Variants in NAALADL2 observed in about 807,000 individuals in gnomAD.
The protein encoded by NAALADL2 is inactive N-acetylated-alpha-linked acidic dipeptidase-like protein 2.
In NAALADL2, 76 loss-of-function variants were observed where a neutral mutation model predicts 87.2. That is an observed-to-expected ratio of 0.87 (90% CI 0.72 to 1.05). The LOEUF is 1.05. Among genes scored for constraint, NAALADL2 ranks in the 50% least tolerant of loss-of-function variants. NAALADL2 has a pLI of 0.00. For synonymous variants in NAALADL2, 354 were observed against 331.0 expected (o/e 1.07, Z -0.75); for missense variants, 1,089 against 945.8 (o/e 1.15, Z -1.99).
intron 5 of NAALADL2, among the ~76,000 whole-genome samples, chr3:175,402,584 AT>A (rs1355557381): frequency 6.6e-6 from 1 of 151,936 alleles, no homozygotes; most frequent in African/African-American, 2.4e-5. Context: ...GGTGTATATA[AT>A]TTTTCCAGCT....
chr3:175,104,661 A>G (rs1722792696), intron 2 of NAALADL2, among the ~76,000 whole-genome samples: 1 of 152,162 alleles, frequency 6.6e-6, no homozygotes, highest in Admixed American at 6.6e-5. Flanking sequence ...AGCAACTGCT[A>G]TTTTAATTAG....
intron 13 of NAALADL2, among the ~76,000 whole-genome samples, chr3:175,779,260 TC>T: frequency 6.6e-6 from 1 of 152,074 alleles, no homozygotes; most frequent in East Asian, 1.9e-4. Context: ...CTGCTGTTTT[TC>T]AAATGTTTTT....
At chr3:174,621,761 C>T (rs565106723) in intron 2 of NAALADL2, among the ~76,000 whole-genome samples, 1 of 152,280 alleles carries the variant, frequency 6.6e-6, no homozygotes, top group East Asian at 1.9e-4. Flanking sequence ...AAATACTATA[C>T]TTACGCAGGG....
intron 2 of NAALADL2, among the ~76,000 whole-genome samples, chr3:175,204,850 G>T (rs1740581738): frequency 6.6e-6 from 1 of 151,782 alleles, no homozygotes; most frequent in East Asian, 1.9e-4. Context: ...TACAAGAGCT[G>T]CAAAAAATAA....
At chr3:174,680,192 T>C (rs1727408730) in intron 2 of NAALADL2, among the ~76,000 whole-genome samples, 1 of 152,234 alleles carries the variant, frequency 6.6e-6, no homozygotes, top group Non-Finnish European at 1.5e-5. Flanking sequence ...TCTCAGTAGA[T>C]TTAAATATAC....
chr3:174,924,243 G>A (rs1201891865), intron 1 of NAALADL2, among the ~76,000 whole-genome samples: 1 of 124,560 alleles, frequency 8.0e-6, no homozygotes, highest in Non-Finnish European at 1.6e-5. Flanking sequence ...CCCGGTGCGT[G>A]ATGTCCCCCT....
intron 2 of NAALADL2, among the ~76,000 whole-genome samples, chr3:174,678,099 T>A (rs1035267033): frequency 6.6e-6 from 1 of 152,070 alleles, no homozygotes; most frequent in Non-Finnish European, 1.5e-5. Context: ...TTTTAGTGAG[T>A]AGGCAAATTC....
chr3:175,299,894 G>T (rs921956252), intron 4 of NAALADL2, among the ~76,000 whole-genome samples: 3 of 152,122 alleles, frequency 2.0e-5, no homozygotes, highest in African/African-American at 4.8e-5. Flanking sequence ...TTCAGCTTTT[G>T]CCCATTCATT....
chr3:175,780,345 T>TAC (rs936639255), intron 13 of NAALADL2, among the ~76,000 whole-genome samples: 4 of 151,594 alleles, frequency 2.6e-5, no homozygotes, highest in Admixed American at 1.3e-4. Flanking sequence ...CACAACACAC[T>TAC]ACACACACAT....
chr3:175,183,009 T>G (rs1342578289), intron 2 of NAALADL2, among the ~76,000 whole-genome samples: 5 of 151,532 alleles, frequency 3.3e-5, no homozygotes, highest in African/African-American at 1.2e-4. Flanking sequence ...TGCGCAAGAT[T>G]GGACTATTTG....
At chr3:175,724,058 CT>C (rs1742596517) in intron 11 of NAALADL2, among the ~76,000 whole-genome samples, 1 of 152,102 alleles carries the variant, frequency 6.6e-6, no homozygotes, top group African/African-American at 2.4e-5. Context: ...AGTACAGTAA[CT>C]ATGTCACAGT....
intron 9 of NAALADL2, among the ~76,000 whole-genome samples, chr3:175,553,875 A>G (rs1714840305): frequency 6.6e-6 from 1 of 152,160 alleles, no homozygotes; most frequent in Non-Finnish European, 1.5e-5. Flanking sequence ...TACCAGCCAT[A>G]TTATTACAAG....
intron 13 of NAALADL2, among the ~76,000 whole-genome samples, chr3:175,793,251 A>C (rs2108301137): frequency 6.6e-6 from 1 of 151,900 alleles, no homozygotes; most frequent in South Asian, 2.1e-4. Context: ...TGAACAGTAT[A>C]TGACATAGAG....
intron 3 of NAALADL2, among the ~76,000 whole-genome samples, chr3:174,821,062 T>G (rs1220398925): frequency 6.6e-6 from 1 of 152,140 alleles, no homozygotes; most frequent in East Asian, 1.9e-4. Context: ...CTTTCCAAAT[T>G]TATCAACCAC....
At chr3:175,319,820 A>AAAAAAT (rs1249567841) in intron 4 of NAALADL2, among the ~76,000 whole-genome samples, 1 of 152,178 alleles carries the variant, frequency 6.6e-6, no homozygotes, top group African/African-American at 2.4e-5. Context: ...ACTGTGTTTC[A>AAAAAAT]AAAAATAAAA....
At chr3:175,332,443 G>A (rs1473277811) in intron 5 of NAALADL2, among the ~76,000 whole-genome samples, 1 of 152,144 alleles carries the variant, frequency 6.6e-6, no homozygotes, top group African/African-American at 2.4e-5. Context: ...TGGGACCAAA[G>A]GGATGTGCCA....
At chr3:175,279,051 A>C (rs1267290414) in intron 4 of NAALADL2, among the ~76,000 whole-genome samples, 2 of 152,134 alleles carry the variant, frequency 1.3e-5, no homozygotes, top group Non-Finnish European at 2.9e-5. Context: ...CCTTCATTTC[A>C]GAAGAGTTTA....
chr3:175,302,689 T>C (rs1261978823), intron 4 of NAALADL2, among the ~76,000 whole-genome samples: 2 of 152,092 alleles, frequency 1.3e-5, no homozygotes, highest in Non-Finnish European at 2.9e-5. Context: ...TCTAGTATAG[T>C]ACAGTATGTT....
chr3:175,437,014 A>T (rs1718788246), intron 5 of NAALADL2, among the ~76,000 whole-genome samples: 2 of 123,362 alleles, frequency 1.6e-5, no homozygotes. Context: ...ATCCATCTTG[A>T]ATTGATTTTT....
Sources: gnomAD v4.1 joint callset for allele counts (sites outside exome capture counted in the v4.1 genomes callset) on GRCh38, gnomAD v4.1.1 for gene constraint, MANE v1.5 for transcripts, NCBI Gene and HGNC (gene_info 2026-07-23, HGNC 2026-07-21) for gene names.